Variants in CENPX observed in about 807,000 individuals in gnomAD.
CENPX encodes centromere protein X.
Under a neutral mutation model 13.2 loss-of-function variants are expected in CENPX, and 13 were observed. The ratio of observed to expected loss-of-function variants is 0.98; its 90% CI spans 0.64 to 1.56. The LOEUF (loss-of-function observed/expected upper bound fraction) is 1.56, where lower values mean the gene tolerates loss of function less well. Among genes scored for constraint, CENPX ranks in the 40% most tolerant of loss-of-function variants. The pLI, the probability that CENPX is intolerant of heterozygous loss-of-function variation, is 0.00. For missense variants in CENPX, 138 were observed against 107.5 expected, an observed-to-expected ratio of 1.28 and a Z score of -1.26; for synonymous variants, 66 against 47.2, an observed-to-expected ratio of 1.40 and a Z score of -1.63.
At chr17:82,019,243 G>GGCCA in intron 4 of CENPX, 24 bp from the exon 5 acceptor site, 1 of 1,596,746 alleles carries the variant, frequency 6.3e-7, no homozygotes, top group Non-Finnish European at 8.6e-7. Context: ...AAGCACTTAG[G>GGCCA]GCCAGCCAGC....
intron 2 of CENPX, 43 bp from the exon 3 acceptor site, chr17:82,019,737 TCTGG>T (rs1416975458): frequency 1.3e-6 from 2 of 1,548,598 alleles, no homozygotes; most frequent in African/African-American, 2.7e-5. Context: ...CACCCACCGC[TCTGG>T]CTGGGTGCTC....
chr17:82,022,617 G>A, intron 1 of CENPX: 2 of 608,486 alleles, frequency 3.3e-6, no homozygotes, highest in South Asian at 4.0e-5. Context: ...CGCAGCCCCG[G>A]CTGCTCCACG....
chr17:82,018,997 A>G lies in CENPX; in HGVS notation c.*208T>C. On this transcript the variant is annotated 3_prime_UTR_variant, in exon 5 of 5. Coordinates refer to ENST00000392359, the MANE Select transcript of CENPX (RefSeq NM_001271006.2). ...CCCAGGTGCTGCCCCTTCCCACACC[A>G]GTGTCCCCACTGGACACTCCAAGGC... is the stretch of plus-strand genomic sequence containing the variant. The G allele has an allele frequency of 1.7e-6, 1 of 598,930 alleles. No homozygotes were observed. The highest frequency in any genetic ancestry group is 2.6e-6 in the Non-Finnish European group (1 of 386,812). The allele number at this position is 598,930 out of a possible 1,614,324, so 37.1% of individuals were successfully genotyped here.
Position 82,022,826 on chromosome 17 carries a change from C to T in CENPX, c.36G>A (p.Lys12=), listed in dbSNP as rs1568011056. ...EGAGAGSGFR[K]ELVSRLLHLH... Reference sequence around the variant, plus strand: ...CTAGCCCCTGCCCTCCGGCCCTCACCTTCCGGAAGCCGGATCCAGCTCCTG... The same window carrying T: ...CTAGCCCCTGCCCTCCGGCCCTCACTTTCCGGAAGCCGGATCCAGCTCCTG... Residue 12 remains lysine (K), a splice_region_variant and synonymous_variant, in exon 1 of 5, where the codon AAG becomes AAA. Coordinates refer to ENST00000392359, the MANE Select transcript of CENPX (RefSeq NM_001271006.2). 4 of 1,589,620 alleles carry T rather than the reference C, an allele frequency of 2.5e-6. No individual in the cohort carries two copies. Among genetic ancestry groups the T allele is most frequent in the Admixed American group, 1.7e-5 (1 of 57,504 alleles).
At chr17:82,019,820 C>A in intron 2 of CENPX, 38 bp downstream of exon 2, 1 of 1,596,438 alleles carries the variant, frequency 6.3e-7, no homozygotes. Context: ...TGAGGACAGA[C>A]ACGGGGACCC....
chr17:82,019,931 G>A (rs1261622861), intron 1 of CENPX, 22 bp from the exon 2 acceptor site: 1 of 1,553,850 alleles, frequency 6.4e-7, no homozygotes, highest in South Asian at 1.2e-5. Flanking sequence ...GGGGGTGTCA[G>A]CGCCACGCCC....
intron 1 of CENPX, among the ~76,000 whole-genome samples, chr17:82,021,747 G>A (rs538675598): frequency 2.0e-5 from 3 of 152,304 alleles, no homozygotes; most frequent in African/African-American, 4.8e-5. Context: ...CCAGTGCCCC[G>A]TCTCCGGCAG....
Position 82,022,796 on chromosome 17 carries a change from C to G in CENPX, c.36+30G>C, listed in dbSNP as rs755435104. On this transcript the variant is annotated intron_variant, in intron 1 of 4. Coordinates refer to ENST00000392359, the MANE Select transcript of CENPX (RefSeq NM_001271006.2). ...GTGAGGTCGGGACGGAGCGTCCGCG[C>G]CTGCCTAGCCCCTGCCCTCCGGCCC... is the stretch of plus-strand genomic sequence containing the variant. The G allele has an allele frequency of 1.1e-5, 17 of 1,565,300 alleles. No homozygotes were observed. The South Asian group carries it at 2.0e-4, about 18-fold the overall frequency.
chr17:82,019,499 G>T, intron 3 of CENPX, 118 bp from the exon 4 acceptor site: 1 of 1,517,626 alleles, frequency 6.6e-7, no homozygotes, highest in Non-Finnish European at 8.8e-7. Context: ...CCCAGAACCA[G>T]GCCACAGCAC....
chr17:82,021,458 C>T (rs1031117875), intron 1 of CENPX, among the ~76,000 whole-genome samples: 2 of 152,266 alleles, frequency 1.3e-5, no homozygotes, highest in African/African-American at 2.4e-5. Flanking sequence ...CAGAGAGTGG[C>T]GGATGCCAGG....
intron 3 of CENPX, 58 bp from the exon 4 acceptor site, chr17:82,019,439 G>A (rs2043234733): frequency 1.3e-6 from 2 of 1,520,122 alleles, no homozygotes; most frequent in Non-Finnish European, 1.8e-6. Flanking sequence ...CCCGAGCCCA[G>A]TGAGGGCCTC....
At chr17:82,019,407 G>A in intron 3 of CENPX, 26 bp from the exon 4 acceptor site, 1 of 1,534,094 alleles carries the variant, frequency 6.5e-7, no homozygotes, top group Non-Finnish European at 8.8e-7. Context: ...CGAGAGGTGG[G>A]GGATGCTGGG....
rs778593660 is a variant in CENPX at position 82,022,856 on chromosome 17, C to G, written c.6G>C (p.Glu2Asp). 2.5e-6 allele frequency: 4 copies of G among 1,593,250 alleles called. No homozygotes were observed. The highest frequency in any genetic ancestry group is 3.4e-6 in the Non-Finnish European group (4 of 1,172,706). ...GGAAGCCGGATCCAGCTCCTGCTCC[C>G]TCCATGACCGCAGCCTCAACGCGCG... Reference protein sequence around the residue: MEGAGAGSGFRK... With the variant: MDGAGAGSGFRK... The change falls in exon 1 of 5, where the codon GAG becomes GAC. Residue 2 changes from glutamate (E) to aspartate (D), a missense_variant. Coordinates refer to ENST00000392359, the MANE Select transcript of CENPX (RefSeq NM_001271006.2).
At chr17:82,019,542 G>A in intron 3 of CENPX, 99 bp downstream of exon 3, 2 of 1,544,620 alleles carry the variant, frequency 1.3e-6, no homozygotes, top group Non-Finnish European at 8.7e-7. Context: ...CCAAGTTTAG[G>A]CCCTTGTGGG....
Position 82,019,625 on chromosome 17 carries a change from T to G in CENPX, c.142+16A>C. The G allele has an allele frequency of 6.5e-7, 1 of 1,550,236 alleles. No homozygotes were observed. Among genetic ancestry groups the G allele is most frequent in the Non-Finnish European group, 8.7e-7 (1 of 1,146,942 alleles). ...CCGGATGCTGTGCCCGGAGGGAGCGTGGGCCCTGGGCTCACCCACAACGAA... is the reference window on the plus strand; with the variant it reads ...CCGGATGCTGTGCCCGGAGGGAGCGGGGGCCCTGGGCTCACCCACAACGAA... On this transcript the variant is annotated intron_variant, in intron 3 of 4. Coordinates refer to ENST00000392359, the MANE Select transcript of CENPX (RefSeq NM_001271006.2).
In CENPX at chr17:82,019,261, C is replaced by T. The variant is rs759029036; in HGVS notation, c.231+32G>A. On this transcript the variant is annotated intron_variant, in intron 4 of 4. Transcript: ENST00000392359. ...CACTTAGGGCCAGCCAGCCGGGCAC[C>T]CCCACTTGCGCCCCGACCCACGCTC... The T allele has an allele frequency of 4.4e-6, 7 of 1,597,562 alleles. No individual in the cohort carries two copies. In the South Asian group the frequency reaches 7.8e-5, roughly 18 times the overall value.
At chr17:82,022,524 G>T in intron 1 of CENPX, 1 of 534,274 alleles carries the variant, frequency 1.9e-6, no homozygotes, top group Non-Finnish European at 3.3e-6. Context: ...CGGCGGCCCA[G>T]CTCCTCCTCT....
chr17:82,020,770 C>T (rs1314745847), intron 1 of CENPX, among the ~76,000 whole-genome samples: 1 of 152,102 alleles, frequency 6.6e-6, no homozygotes, highest in African/African-American at 2.4e-5. Context: ...AAGGACGGCA[C>T]TGCTCTGAGG....
rs540001749 is a variant in CENPX, at chr17:82,019,613, C to G, written c.142+28G>C. The G allele has an allele frequency of 3.7e-5, 58 of 1,550,204 alleles. No homozygotes were observed. The South Asian group carries it at 6.5e-4, about 17-fold the overall frequency. On this transcript the variant is annotated intron_variant, in intron 3 of 4. Transcript: ENST00000392359. ...AAACGCAAAATTCCGGATGCTGTGC[C>G]CGGAGGGAGCGTGGGCCCTGGGCTC...
Sources: allele counts gnomAD v4.1 joint callset (sites outside exome capture counted in the v4.1 genomes callset), GRCh38; gene constraint gnomAD v4.1.1; transcripts MANE v1.5; gene names NCBI Gene and HGNC (gene_info 2026-07-23, HGNC 2026-07-21).